The following MYRFL variants were observed in gnomAD, a reference collection of about 807,000 sequenced individuals.
MYRFL encodes the protein myelin regulatory factor like, also known as myelin regulatory factor-like protein.
In MYRFL, 88 loss-of-function variants were observed where a neutral mutation model predicts 109.4. The ratio of observed to expected loss-of-function variants is 0.80; its 90% CI spans 0.68 to 0.96. MYRFL has a LOEUF of 0.96. Among genes scored for constraint, MYRFL ranks in the 40% least tolerant of loss-of-function variants. MYRFL has a pLI of 0.00. For synonymous variants in MYRFL, 324 were observed against 320.9 expected (o/e 1.01, Z -0.10); for missense variants, 957 against 954.9 (o/e 1.00, Z -0.03).
Position 69,903,792 on chromosome 12 carries a change from T to A in MYRFL, c.1331T>A (p.Met444Lys). ...GTTGTCTGTGGCAACATGAAAGTGATGGGGACCATCATGCATCCCTCTGAC... is the reference window on the plus strand; with the variant it reads ...GTTGTCTGTGGCAACATGAAAGTGAAGGGGACCATCATGCATCCCTCTGAC... ...ALVVCGNMKVMGTIMHPSDSR... is the reference protein window; with the variant it reads ...ALVVCGNMKVKGTIMHPSDSR... The change falls in exon 11 of 25, where the codon ATG (methionine) becomes AAG (lysine). Residue 444 changes from methionine (M) to lysine (K), a missense_variant. Physicochemically the swap from Met to Lys is moderately conservative, Grantham distance 95. Coordinates refer to ENST00000552032, the MANE Select transcript of MYRFL (RefSeq NM_182530.3). 6.5e-7 allele frequency: 1 copy of A among 1,535,600 alleles called. No individual in the cohort carries two copies. Among genetic ancestry groups the A allele is most frequent in the Non-Finnish European group, 8.7e-7 (1 of 1,146,594 alleles).
At chr12:69,952,007 A>G in intron 19 of MYRFL, 106 bp from the exon 20 acceptor site, 1 of 845,502 alleles carries the variant, frequency 1.2e-6, no homozygotes, top group Non-Finnish European at 1.9e-6. Context: ...GGAGACAGAA[A>G]GGGTGGGGGA....
intron 5 of MYRFL, among the ~76,000 whole-genome samples, chr12:69,885,718 T>G (rs532173511): frequency 6.6e-6 from 1 of 152,294 alleles, no homozygotes; most frequent in South Asian, 2.1e-4. Context: ...TTATGCAAAA[T>G]AGGAGGTTGC....
intron 10 of MYRFL, among the ~76,000 whole-genome samples, chr12:69,898,202 C>T (rs1362804564): frequency 6.6e-6 from 1 of 152,220 alleles, no homozygotes; most frequent in Admixed American, 6.5e-5. Context: ...GGCATCTCTC[C>T]TTGCCCGTGT....
chr12:69,903,840 A>G lies in MYRFL; in HGVS notation c.1379A>G (p.Gln460Arg), dbSNP rs1217271994. 1.3e-6 allele frequency: 2 copies of G among 1,529,024 alleles called. No homozygotes were observed. The highest frequency in any genetic ancestry group is 2.7e-5 in the African/African-American group (2 of 72,940). 94.7% of individuals were successfully genotyped at this position (1,529,024 alleles called of 1,614,324 possible). A position where few individuals can be genotyped will look rare whatever the true frequency, so the allele number is the denominator to read the frequency against. The change falls in exon 11 of 25, where the codon CAG (glutamine) becomes CGG (arginine). Residue 460 changes from glutamine (Q) to arginine (R), a missense_variant. Gln to Arg is a conservative substitution (Grantham distance 43, BLOSUM62 1). Transcript: ENST00000552032. ...GACAGCCGGGCAAAGCAGAATATCC[A>G]GGAGGTGAGCACAGATTCAGGCCCT... is the stretch of plus-strand genomic sequence containing the variant. ...PSDSRAKQNI[Q>R]EVDTNEQLKR... is the part of the protein sequence containing the mutation.
At position 69,936,433 on chromosome 12, in the gene MYRFL, C is replaced by T. The variant is rs1955469896; in HGVS notation, c.2045-20C>T. ...GGTTAACCTTCTTGCTTCCCCTCCC[C>T]CCTGCCCAATGCCTTGCAGCACCTA... On this transcript the variant is annotated intron_variant, in intron 18 of 24. Coordinates refer to ENST00000552032, the MANE Select transcript of MYRFL (RefSeq NM_182530.3). The T allele has an allele frequency of 1.3e-6, 2 of 1,532,464 alleles. No homozygotes were observed. The highest frequency in any genetic ancestry group is 1.7e-6 in the Non-Finnish European group (2 of 1,144,342). The allele number at this position is 1,532,464 out of a possible 1,614,324, so 94.9% of individuals were successfully genotyped here.
At chr12:69,909,542 T>C (rs937788063) in intron 11 of MYRFL, among the ~76,000 whole-genome samples, 4 of 152,114 alleles carry the variant, frequency 2.6e-5, no homozygotes, top group African/African-American at 9.7e-5. Context: ...TTTTGTCAGA[T>C]AAAGATATTA....
chr12:69,836,437 C>T (rs1226728740), intron 1 of MYRFL, among the ~76,000 whole-genome samples: 1 of 152,176 alleles, frequency 6.6e-6, no homozygotes, highest in Non-Finnish European at 1.5e-5. Context: ...AGCACTCCCG[C>T]ATCAGTCCTA....
At chr12:69,839,056 G>A (rs1739621898) in intron 1 of MYRFL, among the ~76,000 whole-genome samples, 1 of 152,134 alleles carries the variant, frequency 6.6e-6, no homozygotes, top group Non-Finnish European at 1.5e-5. Context: ...AGCAATGAAG[G>A]ATGGATTCAT....
chr12:69,831,024 AAAG>A (rs1434228920), intron 1 of MYRFL, among the ~76,000 whole-genome samples: 1 of 152,196 alleles, frequency 6.6e-6, no homozygotes, highest in African/African-American at 2.4e-5. Flanking sequence ...AGATAACCTA[AAAG>A]AAGAAGATCA....
chr12:69,865,454 G>C (rs1884962168), intron 2 of MYRFL, among the ~76,000 whole-genome samples: 1 of 152,080 alleles, frequency 6.6e-6, no homozygotes. Flanking sequence ...GACTTTTCTG[G>C]GTTTTATGGC....
chr12:69,857,076 G>A (rs11543399), intron 2 of MYRFL, among the ~76,000 whole-genome samples: 1 of 151,648 alleles, frequency 6.6e-6, no homozygotes, highest in Non-Finnish European at 1.5e-5. Flanking sequence ...ATTTATATTA[G>A]TTTCTTTGTA....
chr12:69,915,662 C>T (rs1168303081), intron 13 of MYRFL, among the ~76,000 whole-genome samples: 3 of 152,110 alleles, frequency 2.0e-5, no homozygotes, highest in Admixed American at 1.3e-4. Flanking sequence ...ATATTCCCCA[C>T]AGTGTCCCTG....
intron 2 of MYRFL, among the ~76,000 whole-genome samples, chr12:69,861,238 T>C (rs1359146520): frequency 1.3e-5 from 2 of 151,990 alleles, no homozygotes; most frequent in African/African-American, 4.8e-5. Flanking sequence ...AGCAGCATGA[T>C]TTATAGTCCT....
At chr12:69,940,218 C>T (rs1955600939) in intron 19 of MYRFL, among the ~76,000 whole-genome samples, 1 of 151,816 alleles carries the variant, frequency 6.6e-6, no homozygotes, top group Non-Finnish European at 1.5e-5. Flanking sequence ...AAAGATACTC[C>T]TCGAGAAGAG....
chr12:69,893,989 A>ATTTTTTTTTTTTTTTTTTTTTTTTTTTAT (rs60637559), intron 8 of MYRFL, 149 bp downstream of exon 8: 1 of 111,944 alleles, frequency 8.9e-6, no homozygotes, highest in Non-Finnish European at 1.6e-5. Flanking sequence ...AATAATGTTA[A>ATTTTTTTTTTTTTTTTTTTTTTTTTTTAT]TTTTTTTTTT....
At chr12:69,852,148 A>T (rs955846380) in intron 1 of MYRFL, among the ~76,000 whole-genome samples, 1 of 152,212 alleles carries the variant, frequency 6.6e-6, no homozygotes, top group African/African-American at 2.4e-5. Flanking sequence ...TATTACAATT[A>T]TGGCTGCAGG....
chr12:69,938,096 T>A (rs1352161845), intron 19 of MYRFL, among the ~76,000 whole-genome samples: 2 of 152,236 alleles, frequency 1.3e-5, no homozygotes, highest in Non-Finnish European at 2.9e-5. Flanking sequence ...AGCAGATGCA[T>A]CACTATGGAG....
intron 7 of MYRFL, among the ~76,000 whole-genome samples, chr12:69,892,442 G>T (rs373475128): frequency 7.8e-4 from 118 of 152,180 alleles, no homozygotes; most frequent in African/African-American, 2.7e-3. Context: ...ACAGGGTTTC[G>T]CTCTGTCGCC....
intron 19 of MYRFL, among the ~76,000 whole-genome samples, chr12:69,941,861 C>T (rs1425000482): frequency 1.7e-4 from 25 of 150,528 alleles, no homozygotes; most frequent in South Asian, 8.4e-4. Context: ...ATATCACCAC[C>T]GATCCCACAG....
Sources: allele counts gnomAD v4.1 joint callset (sites outside exome capture counted in the v4.1 genomes callset), GRCh38; gene constraint gnomAD v4.1.1; transcripts MANE v1.5; gene names NCBI Gene and HGNC (gene_info 2026-07-23, HGNC 2026-07-21).